The following ALOX5 variants were observed in gnomAD, a reference collection of about 807,000 sequenced individuals.
ALOX5 encodes the protein polyunsaturated fatty acid 5-lipoxygenase.
Under a neutral mutation model 87.9 loss-of-function variants are expected in ALOX5, and 64 were observed. The ratio of observed to expected loss-of-function variants is 0.73; its 90% confidence interval spans 0.60 to 0.90. The LOEUF (loss-of-function observed/expected upper bound fraction) is 0.90, where lower values mean the gene tolerates loss of function less well. Ranked by LOEUF, ALOX5 falls within the 40% of genes least tolerant of loss-of-function variation. The pLI is 0.00. For synonymous variants in ALOX5, 388 were observed against 355.1 expected (o/e 1.09, Z -1.04); for missense variants, 822 against 907.5 (o/e 0.91, Z 1.21).
intron 13 of ALOX5, chr10:45,444,619 T>G: frequency 3.0e-6 from 1 of 331,876 alleles, no homozygotes. Context: ...ACCAAGAGTT[T>G]CCTGGGTTCC....
intron 4 of ALOX5, among the ~76,000 whole-genome samples, chr10:45,414,964 G>A (rs1841220707): frequency 6.6e-6 from 1 of 152,198 alleles, no homozygotes; most frequent in Admixed American, 6.5e-5. Flanking sequence ...TGGAGAAGTA[G>A]GAACACTTTT....
chr10:45,391,365 G>T (rs1379367131), intron 2 of ALOX5, among the ~76,000 whole-genome samples: 3 of 152,186 alleles, frequency 2.0e-5, no homozygotes, highest in Non-Finnish European at 4.4e-5. Context: ...GAGGTGCCGG[G>T]ATTGCAGACG....
rs531540165 is a variant in ALOX5, at chr10:45,425,559, C to T, written c.834+427C>T. ...CTTGTGTGAGAATAAAAAAGGGGCA[C>T]GAGGAGAAACCCAACAGAATGGTTG... On this transcript the variant is annotated intron_variant, in intron 6 of 13. Transcript: ENST00000374391. This position sits in a 1 kb window ranked among gnomAD's most constrained non-coding sequence, Gnocchi z 4.4. 9.2e-5 allele frequency among the ~76,000 whole-genome samples: 14 copies of T among 152,148 alleles called. No homozygotes were observed. Among genetic ancestry groups the T allele is most frequent in the Non-Finnish European group, 1.8e-4 (12 of 68,022 alleles).
intron 6 of ALOX5, among the ~76,000 whole-genome samples, chr10:45,427,270 A>G (rs1841743558): frequency 6.6e-6 from 1 of 152,156 alleles, no homozygotes; most frequent in South Asian, 2.1e-4. Context: ...TGGTCACTTC[A>G]GCTCTCAAAG....
At chr10:45,386,372 T>G (rs2132687514) in intron 2 of ALOX5, among the ~76,000 whole-genome samples, 2 of 151,772 alleles carry the variant, frequency 1.3e-5, no homozygotes, top group East Asian at 3.9e-4. Context: ...AGGCTGAGGT[T>G]GGGGAATCAC....
intron 2 of ALOX5, among the ~76,000 whole-genome samples, chr10:45,393,069 T>C (rs959416204): frequency 3.9e-5 from 6 of 151,990 alleles, no homozygotes; most frequent in East Asian, 1.9e-4. Flanking sequence ...TTCCAATCAA[T>C]AGAAAAAGAG....
intron 7 of ALOX5, among the ~76,000 whole-genome samples, chr10:45,438,711 G>A (rs1260138477): frequency 2.6e-5 from 4 of 152,198 alleles, no homozygotes; most frequent in Admixed American, 6.5e-5. Flanking sequence ...GGACAAGAGC[G>A]TAGTTCTGTG....
chr10:45,443,373 G>T (rs2132862476), intron 10 of ALOX5, 43 bp from the exon 11 acceptor site: 1 of 1,597,366 alleles, frequency 6.3e-7, no homozygotes, highest in East Asian at 2.3e-5. Flanking sequence ...CCGCTCCGCA[G>T]ACCTGGCTGG....
At position 45,392,061 on chromosome 10, in the gene ALOX5, G is replaced by A. The variant is rs537910030; in HGVS notation, c.350-3794G>A. Among the ~76,000 whole-genome samples, 4 of 151,754 alleles carry A rather than the reference G, an allele frequency of 2.6e-5. No individual in the cohort carries two copies. The South Asian group carries it at 8.3e-4, about 31-fold the overall frequency. Reference sequence around the variant, plus strand: ...AGGGGTTCAGCCCCCCGCCCGGCCAGCCGCCCCGTCCGAGAGGGAGGTGGG... The same window carrying A: ...AGGGGTTCAGCCCCCCGCCCGGCCAACCGCCCCGTCCGAGAGGGAGGTGGG... On this transcript the variant is annotated intron_variant, in intron 2 of 13. Transcript: ENST00000374391.
At chr10:45,426,972 C>T (rs918612421) in intron 6 of ALOX5, among the ~76,000 whole-genome samples, 1 of 152,230 alleles carries the variant, frequency 6.6e-6, no homozygotes, top group Non-Finnish European at 1.5e-5. Flanking sequence ...CTCACTGATT[C>T]TGTGAGCCAG....
intron 2 of ALOX5, among the ~76,000 whole-genome samples, chr10:45,385,762 C>G (rs1019063727): frequency 6.6e-6 from 1 of 152,174 alleles, no homozygotes; most frequent in African/African-American, 2.4e-5. Context: ...CTTTACATCC[C>G]CAGGGGAGGA....
chr10:45,433,258 G>A (rs189995374), intron 7 of ALOX5, among the ~76,000 whole-genome samples: 93 of 152,184 alleles, frequency 6.1e-4, no homozygotes, highest in Non-Finnish European at 4.1e-4. Context: ...TCAGAGCTTC[G>A]GCCAGCACCG....
Position 45,374,380 on chromosome 10 carries a change from A to T in ALOX5, c.101A>T (p.Glu34Val), listed in dbSNP as rs1268286390. 1.3e-6 allele frequency: 2 copies of T among 1,559,978 alleles called. No individual in the cohort carries two copies. Among genetic ancestry groups the T allele is most frequent in the Admixed American group, 3.9e-5 (2 of 51,584 alleles). Residue 34 changes from glutamate (E) to valine (V), a missense_variant, in exon 1 of 14, where the codon GAG becomes GTG. Glu to Val is a moderately radical substitution (Grantham distance 121). Coordinates refer to ENST00000374391, the MANE Select transcript of ALOX5 (RefSeq NM_000698.5). ...CTCGTGGGCTCGGCGGGCTGCAGCG[A>T]GAAGCACCTGCTGGACAAGCCCTTC... ...LSLVGSAGCS[E>V]KHLLDKPFYN...
In ALOX5 at chr10:45,425,158, G is replaced by T; in HGVS notation, c.834+26G>T. On this transcript the variant is annotated intron_variant, in intron 6 of 13. Transcript: ENST00000374391. This position sits in a 1 kb window ranked among gnomAD's most constrained non-coding sequence, Gnocchi z 4.4. ...GTAGGGGTTGATGGGCTGGGGAAGT[G>T]GCCAAGGTCACAGTCTGTCAGGTGG... 2 of 1,605,604 alleles carry T rather than the reference G, an allele frequency of 1.2e-6. No individual in the cohort carries two copies.
intron 6 of ALOX5, among the ~76,000 whole-genome samples, chr10:45,427,050 C>G (rs1472656815): frequency 6.6e-6 from 1 of 152,188 alleles, no homozygotes; most frequent in Admixed American, 6.5e-5. Flanking sequence ...GGCAAAAACT[C>G]CACTGTCAGA....
chr10:45,381,454 C>A (rs1006910265), intron 1 of ALOX5, among the ~76,000 whole-genome samples: 4 of 152,254 alleles, frequency 2.6e-5, no homozygotes, highest in African/African-American at 9.6e-5. Context: ...GACTCCAGCT[C>A]TGCTGGCAAG....
At chr10:45,399,684 C>A (rs2132726667) in intron 3 of ALOX5, among the ~76,000 whole-genome samples, 1 of 152,200 alleles carries the variant, frequency 6.6e-6, no homozygotes, top group African/African-American at 2.4e-5. Flanking sequence ...CAAAGGACAT[C>A]ATCAATAAAG....
At chr10:45,376,192 G>T (rs544053516) in intron 1 of ALOX5, among the ~76,000 whole-genome samples, 25,526 of 151,924 alleles carry the variant, frequency 0.17, 2,200 homozygotes, top group South Asian at 0.19. Flanking sequence ...TCCCTCTCTC[G>T]GTCTGTCTTC....
At chr10:45,438,681 G>T (rs567890347) in intron 7 of ALOX5, among the ~76,000 whole-genome samples, 110 of 152,340 alleles carry the variant, frequency 7.2e-4, no homozygotes, top group African/African-American at 2.6e-3. Context: ...GGGACCCTGA[G>T]AGCTGGGACT....
Sources: gnomAD v4.1 joint callset for allele counts (sites outside exome capture counted in the v4.1 genomes callset) on GRCh38, gnomAD v4.1.1 for gene constraint, Gnocchi (gnomAD v3.1) non-coding constraint, MANE v1.5 for transcripts, NCBI Gene and HGNC (gene_info 2026-07-23, HGNC 2026-07-21) for gene names.